Variants in C19orf47 observed in about 807,000 individuals in gnomAD.
The protein encoded by C19orf47 is uncharacterized protein C19orf47.
A neutral mutation model predicts 32.3 loss-of-function variants in C19orf47; 18 were observed. That is an observed-to-expected ratio of 0.56 (90% CI 0.39 to 0.83). The LOEUF is 0.83. Among genes scored for constraint, C19orf47 ranks in the 40% least tolerant of loss-of-function variants. The pLI is 0.00. For synonymous variants in C19orf47, 202 were observed against 211.1 expected (o/e 0.96, Z 0.37); for missense variants, 484 against 531.6 (o/e 0.91, Z 0.88).
At position 40,324,271 on chromosome 19, in the gene C19orf47, G is replaced by A. The variant is rs569268508; in HGVS notation, c.593-195C>T. The A allele has an allele frequency of 6.6e-6, 4 of 607,076 alleles. No homozygotes were observed. In the African/African-American group the frequency reaches 7.3e-5, roughly 11 times the overall value. 37.6% of individuals were successfully genotyped at this position (607,076 alleles called of 1,614,324 possible). ...CACCCCTATCTGGCTAGAGCCAAAT[G>A]TGGGAAAGACCAGCTACAAGTGGCA... is the stretch of plus-strand genomic sequence containing the variant. On this transcript the variant is annotated intron_variant, in intron 7 of 8. Transcript: ENST00000683109.
the C19orf47 span, among the ~76,000 whole-genome samples, chr19:40,298,401 A>G: frequency 8.4e-4 from 128 of 152,270 alleles, 2 homozygotes; most frequent in Middle Eastern, 3.4e-3. Context: ...GATGGCAGAT[A>G]TTAATTAAAT....
Position 40,320,397 on chromosome 19 carries a change from C to T in C19orf47, c.*1485G>A, listed in dbSNP as rs568403916. On this transcript the variant is annotated 3_prime_UTR_variant, in exon 9 of 9. Coordinates refer to ENST00000683109, the MANE Select transcript of C19orf47 (RefSeq NM_001256441.2). ...AGCCCCTGCCCACCCACCTCTGCCT[C>T]ATGCTGGAGGCAGGGCCCACCCTCA... 9 of 155,236 alleles carry T rather than the reference C, an allele frequency of 5.8e-5. No individual in the cohort carries two copies. Among genetic ancestry groups the T allele is most frequent in the African/African-American group, 1.7e-4 (7 of 41,580 alleles). The allele number at this position is 155,236 out of a possible 1,614,324, so 9.6% of individuals were successfully genotyped here.
the C19orf47 span, among the ~76,000 whole-genome samples, chr19:40,292,965 T>A: frequency 6.6e-6 from 1 of 152,080 alleles, no homozygotes; most frequent in East Asian, 1.9e-4. Context: ...GCATAACAAC[T>A]TTTATTCACC....
In C19orf47 at chr19:40,322,146, G is replaced by A. The variant is rs770217407; in HGVS notation, c.894C>T (p.Ser298=). 8.1e-6 allele frequency: 13 copies of A among 1,613,802 alleles called. No homozygotes were observed. The Admixed American group carries it at 2.0e-4, about 25-fold the overall frequency. The change falls in exon 9 of 9, where the codon TCC becomes TCT. Residue 298 remains serine, a synonymous_variant. Transcript: ENST00000683109. ...GCTTCCTCTCAAGCCCAGACCGTGAGGAAAGCGCCAGGCGCCGCAGTGTCG... is the reference window on the plus strand; with the variant it reads ...GCTTCCTCTCAAGCCCAGACCGTGAAGAAAGCGCCAGGCGCCGCAGTGTCG... ...AAPTLRRLAL[S]SRSGLERKPE...
the C19orf47 span, among the ~76,000 whole-genome samples, chr19:40,302,519 G>A: frequency 1.3e-5 from 2 of 152,080 alleles, no homozygotes; most frequent in African/African-American, 2.4e-5. Flanking sequence ...TGGTCTCCTA[G>A]ACTAAAGCAA....
chr19:40,335,576 T>C (rs2078045754), intron 4 of C19orf47, among the ~76,000 whole-genome samples: 1 of 151,096 alleles, frequency 6.6e-6, no homozygotes, highest in African/African-American at 2.4e-5. Flanking sequence ...CGAGACACCG[T>C]CTCAAAAAAA....
chr19:40,294,426 AT>A, the C19orf47 span, among the ~76,000 whole-genome samples: 215 of 144,120 alleles, frequency 1.5e-3, 1 homozygote, highest in African/African-American at 2.5e-3. Flanking sequence ...TTGTTTGGTT[AT>A]TTTTTTTTTT....
chr19:40,329,484 C>A (rs926840042), intron 5 of C19orf47, among the ~76,000 whole-genome samples: 1 of 152,040 alleles, frequency 6.6e-6, no homozygotes, highest in African/African-American at 2.4e-5. Context: ...CCAGCCTGGG[C>A]AACAGAGTGA....
intron 1 of C19orf47, among the ~76,000 whole-genome samples, chr19:40,344,854 C>G (rs2145623941): frequency 6.6e-6 from 1 of 152,278 alleles, no homozygotes; most frequent in African/African-American, 2.4e-5. Context: ...CACAACCACC[C>G]TCGGAAAGTT....
rs928255113 is a variant in C19orf47 at position 40,341,882 on chromosome 19, C to G, written c.-25G>C. 2.0e-6 allele frequency: 3 copies of G among 1,536,096 alleles called. No homozygotes were observed. The African/African-American group carries it at 4.1e-5, about 21-fold the overall frequency. On this transcript the variant is annotated 5_prime_UTR_variant, in exon 2 of 9. Coordinates refer to ENST00000683109, the MANE Select transcript of C19orf47 (RefSeq NM_001256441.2). ...TCGTCTCCCTGGCCCTGACACTGCT[C>G]CCTGGAGCCTGAAAGAGAAGAGAGG...
At chr19:40,311,375 G>C in the C19orf47 span, among the ~76,000 whole-genome samples, 1 of 142,254 alleles carries the variant, frequency 7.0e-6, no homozygotes, top group Non-Finnish European at 1.5e-5. Flanking sequence ...GCAAAACTCG[G>C]TCTCAAAAAA....
At chr19:40,300,039 G>T in the C19orf47 span, among the ~76,000 whole-genome samples, 5 of 151,744 alleles carry the variant, frequency 3.3e-5, no homozygotes, top group African/African-American at 1.2e-4. Flanking sequence ...AAAAAAGAGA[G>T]ATATTAGACT....
intron 6 of C19orf47, among the ~76,000 whole-genome samples, chr19:40,327,855 G>C (rs994719280): frequency 6.6e-6 from 1 of 152,206 alleles, no homozygotes; most frequent in African/African-American, 2.4e-5. Context: ...GGGAGCAAGC[G>C]AGCATGCAAA....
At chr19:40,326,204 G>C in intron 7 of C19orf47, 130 bp downstream of exon 7, 5 of 1,275,950 alleles carry the variant, frequency 3.9e-6, no homozygotes, top group Non-Finnish European at 5.3e-6. Context: ...CTGTCCCCTT[G>C]GCCTACGGCT....
chr19:40,301,166 A>C, the C19orf47 span, among the ~76,000 whole-genome samples: 1 of 151,922 alleles, frequency 6.6e-6, no homozygotes, highest in Non-Finnish European at 1.5e-5. Flanking sequence ...AATAAAAAGA[A>C]AAAGAAACCC....
Position 40,322,375 on chromosome 19 carries a change from G to C in C19orf47, c.665C>G (p.Pro222Arg). ...CCCCAGGCGGCTGAAGACTCCTGTG[G>C]GCTGTGGAGGTCAGAGACAGGATGA... ...TKADTTTGSK[P>R]TGVFSRLGAT... The change falls in exon 9 of 9, where the codon CCC becomes CGC. Residue 222 changes from proline (P) to arginine (R), a missense_variant and splice_region_variant. This residue lies in a region of C19orf47 where 376 missense variants were observed against 370.2 expected (regional missense o/e 1.02). Transcript: ENST00000683109. 1 of 1,573,822 alleles carries C rather than the reference G, an allele frequency of 6.4e-7. No individual in the cohort carries two copies. Among genetic ancestry groups the C allele is most frequent in the Non-Finnish European group, 8.6e-7 (1 of 1,157,304 alleles).
intron 8 of C19orf47, among the ~76,000 whole-genome samples, chr19:40,323,054 G>A (rs1039741724): frequency 3.3e-5 from 5 of 152,234 alleles, no homozygotes; most frequent in Non-Finnish European, 4.4e-5. Flanking sequence ...GCTATGCCCT[G>A]AAGGCAGGAA....
chr19:40,337,926 G>A (rs1403547123), intron 2 of C19orf47, among the ~76,000 whole-genome samples: 1 of 152,098 alleles, frequency 6.6e-6, no homozygotes, highest in Non-Finnish European at 1.5e-5. Context: ...TAGGGCCCTG[G>A]GTCCCACTGA....
chr19:40,293,898 A>ATC, the C19orf47 span, among the ~76,000 whole-genome samples: 1 of 152,064 alleles, frequency 6.6e-6, no homozygotes, highest in Non-Finnish European at 1.5e-5. Context: ...AGGCGGGCAG[A>ATC]TCACGAGGTC....
Sources: allele counts gnomAD v4.1 joint callset (sites outside exome capture counted in the v4.1 genomes callset), GRCh38; gene constraint gnomAD v4.1.1; regional missense constraint gnomAD v4.1.1; transcripts MANE v1.5; gene names NCBI Gene and HGNC (gene_info 2026-07-23, HGNC 2026-07-21).